DIXDC1: variants seen among roughly 807,000 people sequenced by gnomAD.
The protein encoded by DIXDC1 is dixin.
A neutral mutation model predicts 103.1 loss-of-function variants in DIXDC1; 64 were observed. The observed-to-expected ratio is 0.62, with a 90% CI of 0.51 to 0.76. The LOEUF (loss-of-function observed/expected upper bound fraction) is 0.76. DIXDC1 is among the 30% of genes least tolerant of loss of function. The pLI is 0.00. For missense variants in DIXDC1, 759 were observed against 834.2 expected, an observed-to-expected ratio of 0.91 and a Z score of 1.11; for synonymous variants, 266 against 298.5, an observed-to-expected ratio of 0.89 and a Z score of 1.12.
intron 4 of DIXDC1, 123 bp downstream of exon 4, chr11:111,974,377 A>T: frequency 1.1e-6 from 1 of 926,570 alleles, no homozygotes; most frequent in Non-Finnish European, 1.6e-6. Flanking sequence ...AAGAACATGG[A>T]GTGGGGAGGT....
At chr11:111,970,205 G>A (rs970549473) in intron 3 of DIXDC1, among the ~76,000 whole-genome samples, 12 of 152,036 alleles carry the variant, frequency 7.9e-5, no homozygotes, top group Non-Finnish European at 1.6e-4. Context: ...ACAGGCATGC[G>A]CCACCATGCC....
intron 17 of DIXDC1, among the ~76,000 whole-genome samples, chr11:112,002,072 T>C (rs1488324272): frequency 6.6e-6 from 1 of 151,946 alleles, no homozygotes; most frequent in East Asian, 1.9e-4. Flanking sequence ...TTTTTAATTA[T>C]TTGCTAAAGG....
Position 111,963,341 on chromosome 11 carries a change from T to C in DIXDC1, c.61-1208T>C, listed in dbSNP as rs140689702. ...CCTCCTCCCACCTCCTCCTGATCGT[T>C]GCACTTCCTACAGTTTGTCAGTGGC... On this transcript the variant is annotated intron_variant, in intron 1 of 19. Transcript: ENST00000440460. 4.6e-5 allele frequency among the ~76,000 whole-genome samples: 7 copies of C among 152,344 alleles called. No individual in the cohort carries two copies. The East Asian group carries it at 1.3e-3, about 29-fold the overall frequency.
intron 1 of DIXDC1, among the ~76,000 whole-genome samples, chr11:111,954,492 A>G (rs1555170380): frequency 6.6e-6 from 1 of 152,210 alleles, no homozygotes; most frequent in Non-Finnish European, 1.5e-5. Flanking sequence ...TTTACATAAC[A>G]TTACATTGTA....
At position 111,977,173 on chromosome 11, in the gene DIXDC1, AG is replaced by A; in HGVS notation, c.656+2191del. Reference sequence around the variant, plus strand: ...CCCCACCCCCACCTCCACCCCGCCCAGCCCCGCCCCTGGCCCGCACCCTCAA... The same window carrying A: ...CCCCACCCCCACCTCCACCCCGCCCACCCCGCCCCTGGCCCGCACCCTCAA... On this transcript the variant is annotated intron_variant, in intron 5 of 19. Transcript: ENST00000440460. This position sits in a 1 kb window ranked among gnomAD's most constrained non-coding sequence, Gnocchi z 6.1. 1 of 237,832 alleles carries A rather than the reference AG, an allele frequency of 4.2e-6. No individual in the cohort carries two copies. The highest frequency in any genetic ancestry group is 6.5e-6 in the Non-Finnish European group (1 of 154,542). 14.7% of individuals were successfully genotyped at this position (237,832 alleles called of 1,614,324 possible).
chr11:111,994,009 A>C (rs1280249873), intron 14 of DIXDC1, among the ~76,000 whole-genome samples: 1 of 152,236 alleles, frequency 6.6e-6, no homozygotes, highest in African/African-American at 2.4e-5. Flanking sequence ...TCAGTCTGTC[A>C]TTATGAAGAG....
At chr11:111,996,373 CAG>C (rs1299601054) in intron 17 of DIXDC1, 2 of 375,840 alleles carry the variant, frequency 5.3e-6, no homozygotes, top group Non-Finnish European at 9.6e-6. Flanking sequence ...GCTGTTGACT[CAG>C]AGAGGCTAAA....
chr11:111,982,276 A>G (rs1289462901), intron 6 of DIXDC1, 63 bp from the exon 7 acceptor site: 6 of 1,564,442 alleles, frequency 3.8e-6, no homozygotes, highest in Non-Finnish European at 5.2e-6. Context: ...TACCCTGTGA[A>G]CGCTGTCTGC....
At chr11:111,950,439 T>TATATATATATA (rs61541869) in intron 1 of DIXDC1, among the ~76,000 whole-genome samples, 36 of 9,466 alleles carry the variant, frequency 3.8e-3, no homozygotes, top group East Asian at 9.6e-3. Context: ...TATATATATA[T>TATATATATATA]TTTTTTTTTT....
upstream of DIXDC1, among the ~76,000 whole-genome samples, chr11:111,932,503 G>A (rs1966059389): frequency 6.6e-6 from 1 of 151,192 alleles, no homozygotes; most frequent in African/African-American, 2.4e-5. Flanking sequence ...GGAGAATGGC[G>A]TGAACCTGGG....
At chr11:111,946,562 T>TGCTG (rs1555169397) in intron 1 of DIXDC1, 1 of 184,754 alleles carries the variant, frequency 5.4e-6, no homozygotes, top group Non-Finnish European at 1.2e-5. Context: ...AGTTTTGCCA[T>TGCTG]GCTGGCCAAG....
chr11:111,931,523 A>C (rs782624052), intron 2 of DIXDC1, among the ~76,000 whole-genome samples: 14 of 152,098 alleles, frequency 9.2e-5, no homozygotes, highest in Non-Finnish European at 1.6e-4. Context: ...GACGCCTGTA[A>C]TCCCAGCTGC....
chr11:111,980,679 C>A, intron 5 of DIXDC1, 58 bp from the exon 6 acceptor site: 1 of 1,409,144 alleles, frequency 7.1e-7, no homozygotes, highest in South Asian at 1.2e-5. Context: ...ATTATGAAAG[C>A]TGCTTTCTGA....
At chr11:111,971,604 T>C (rs1412009983) in intron 3 of DIXDC1, among the ~76,000 whole-genome samples, 1 of 152,138 alleles carries the variant, frequency 6.6e-6, no homozygotes, top group Non-Finnish European at 1.5e-5. Flanking sequence ...GGAAAATAAA[T>C]CATTCTACCA....
intron 1 of DIXDC1, among the ~76,000 whole-genome samples, chr11:111,940,223 C>T (rs965303221): frequency 2.6e-5 from 4 of 152,222 alleles, no homozygotes; most frequent in Non-Finnish European, 5.9e-5. Flanking sequence ...TTTCTCTTAC[C>T]GCATTTCCTA....
At chr11:111,946,521 G>T (rs377342672) in intron 1 of DIXDC1, among the ~76,000 whole-genome samples, 30 of 152,288 alleles carry the variant, frequency 2.0e-4, no homozygotes, top group African/African-American at 6.7e-4. Flanking sequence ...ACTGCACCTG[G>T]TCAGTTTTTT....
intron 4 of DIXDC1, 82 bp downstream of exon 4, chr11:111,974,336 A>G: frequency 1.5e-6 from 2 of 1,345,828 alleles, no homozygotes; most frequent in South Asian, 2.9e-5. Context: ...AGTAGATAGA[A>G]ACGTCACCCA....
At chr11:111,961,722 C>A (rs1555171112) in intron 1 of DIXDC1, among the ~76,000 whole-genome samples, 1 of 152,170 alleles carries the variant, frequency 6.6e-6, no homozygotes, top group African/African-American at 2.4e-5. Context: ...AATACTTGTT[C>A]TTGTTTGTCC....
chr11:111,928,604 TA>T (rs756372272), intron 1 of DIXDC1: 2 of 148,990 alleles, frequency 1.3e-5, no homozygotes, highest in African/African-American at 2.5e-5. Flanking sequence ...CTACTAAAAA[TA>T]AAAAAAAATT....
Sources: allele counts gnomAD v4.1 joint callset (sites outside exome capture counted in the v4.1 genomes callset), GRCh38; gene constraint gnomAD v4.1.1; non-coding constraint Gnocchi (gnomAD v3.1); transcripts MANE v1.5; gene names NCBI Gene and HGNC (gene_info 2026-07-23, HGNC 2026-07-21).